Variants in DLG2 observed in about 807,000 individuals in gnomAD.
The protein encoded by DLG2 is discs large MAGUK scaffold protein 2.
Under a neutral mutation model 132.5 loss-of-function variants are expected in DLG2, and 45 were observed. That is an observed-to-expected ratio of 0.34 (90% CI 0.27 to 0.44). DLG2 has a LOEUF of 0.44. DLG2 is among the 20% of genes least tolerant of loss of function. The pLI is 1.00. For missense variants in DLG2, 1,045 were observed against 1,196.9 expected, an observed-to-expected ratio of 0.87 and a Z score of 1.87; for synonymous variants, 424 against 419.6, an observed-to-expected ratio of 1.01 and a Z score of -0.13.
At chr11:85,335,380 C>T (rs2082058966) in intron 3 of DLG2, among the ~76,000 whole-genome samples, 1 of 152,112 alleles carries the variant, frequency 6.6e-6, no homozygotes, top group Non-Finnish European at 1.5e-5. Flanking sequence ...ATTTGCCACT[C>T]TTTGCCTTTT....
chr11:85,317,620 A>C (rs1459229565), intron 3 of DLG2, among the ~76,000 whole-genome samples: 1 of 151,876 alleles, frequency 6.6e-6, no homozygotes, highest in Non-Finnish European at 1.5e-5. Flanking sequence ...AGAATTGAGC[A>C]TTTAGGAGGA....
At chr11:83,665,984 C>T (rs375130592) in intron 18 of DLG2, among the ~76,000 whole-genome samples, 2 of 152,238 alleles carry the variant, frequency 1.3e-5, no homozygotes, top group South Asian at 4.2e-4. Flanking sequence ...ACTTGACCCA[C>T]TATCTCCCCC....
At chr11:83,672,999 T>G (rs1198671164) in intron 18 of DLG2, among the ~76,000 whole-genome samples, 1 of 151,966 alleles carries the variant, frequency 6.6e-6, no homozygotes, top group Non-Finnish European at 1.5e-5. Flanking sequence ...GAGTCGGAGG[T>G]TGCAGTGAGC....
chr11:85,485,591 T>G lies in DLG2; in HGVS notation c.40+113066A>C, dbSNP rs1201792603. Among the ~76,000 whole-genome samples the G allele has an allele frequency of 2.0e-5, 3 of 152,152 alleles. No individual in the cohort carries two copies. The East Asian group carries it at 5.8e-4, about 29-fold the overall frequency. ...GAGTAAGGAGAGGGAAGGGGGCAGC[T>G]CTCTTGGCTGGGGATCAGCTGGGAG... On this transcript the variant is annotated intron_variant, in intron 3 of 27. Transcript: ENST00000376104.
At chr11:84,781,265 G>T (rs1383679637) in intron 6 of DLG2, among the ~76,000 whole-genome samples, 1 of 152,008 alleles carries the variant, frequency 6.6e-6, no homozygotes, top group Non-Finnish European at 1.5e-5. Context: ...TATACTTCTG[G>T]AGAATATAAT....
intron 5 of DLG2, among the ~76,000 whole-genome samples, chr11:85,137,304 A>G (rs1233484109): frequency 1.3e-5 from 2 of 152,142 alleles, no homozygotes. Flanking sequence ...CTTTGTAACT[A>G]TTATCTCATG....
intron 7 of DLG2, among the ~76,000 whole-genome samples, chr11:84,347,054 T>C (rs527385023): frequency 2.6e-5 from 4 of 152,292 alleles, no homozygotes; most frequent in African/African-American, 9.6e-5. Context: ...AAAGGTCACA[T>C]ACAGCCATCT....
At chr11:83,968,702 C>T (rs1180042644) in intron 12 of DLG2, among the ~76,000 whole-genome samples, 1 of 152,134 alleles carries the variant, frequency 6.6e-6, no homozygotes, top group Non-Finnish European at 1.5e-5. Flanking sequence ...GGTTAAGAAA[C>T]TTGCCCCAAG....
rs572535870 is a variant in DLG2 at position 84,483,248 on chromosome 11, C to G, written c.519+51322G>C. 1.2e-4 allele frequency among the ~76,000 whole-genome samples: 18 copies of G among 152,062 alleles called. No individual in the cohort carries two copies. The South Asian group carries it at 3.7e-3, about 32-fold the overall frequency. ...AGGAGTTCAAGACCAGCCTGGCCAACCTAGTGAAACCCCGTCTCTACAAAA... is the reference window on the plus strand; with the variant it reads ...AGGAGTTCAAGACCAGCCTGGCCAAGCTAGTGAAACCCCGTCTCTACAAAA... On this transcript the variant is annotated intron_variant, in intron 7 of 27. Transcript: ENST00000376104.
chr11:84,060,709 A>G (rs1372105660), intron 10 of DLG2, among the ~76,000 whole-genome samples: 2 of 152,112 alleles, frequency 1.3e-5, no homozygotes, highest in South Asian at 2.1e-4. Flanking sequence ...AGATTACAAA[A>G]ATTTCTTTCC....
At chr11:85,226,190 T>A (rs1309374676) in intron 4 of DLG2, among the ~76,000 whole-genome samples, 1 of 150,866 alleles carries the variant, frequency 6.6e-6, no homozygotes, top group East Asian at 1.9e-4. Flanking sequence ...TATTCTAATA[T>A]AATAATATAA....
At chr11:85,538,307 C>G (rs1440563205) in intron 3 of DLG2, among the ~76,000 whole-genome samples, 2 of 151,704 alleles carry the variant, frequency 1.3e-5, no homozygotes, top group African/African-American at 4.9e-5. Flanking sequence ...AAGACATTCT[C>G]TGATCTGGCA....
At chr11:84,826,938 G>A (rs559436859) in intron 6 of DLG2, among the ~76,000 whole-genome samples, 1 of 151,950 alleles carries the variant, frequency 6.6e-6, no homozygotes, top group African/African-American at 2.4e-5. Flanking sequence ...AGTAAAGAAT[G>A]GAGATAGACT....
At chr11:85,237,919 T>C (rs1216261773) in intron 4 of DLG2, among the ~76,000 whole-genome samples, 1 of 152,060 alleles carries the variant, frequency 6.6e-6, no homozygotes, top group Non-Finnish European at 1.5e-5. Flanking sequence ...ATTAAAGCAG[T>C]CCTAATTAGA....
chr11:85,322,193 C>T (rs968013096), intron 3 of DLG2, among the ~76,000 whole-genome samples: 2 of 152,044 alleles, frequency 1.3e-5, no homozygotes, highest in African/African-American at 4.8e-5. Flanking sequence ...TCCAGTGGTA[C>T]CTCCAGTGTA....
chr11:84,392,453 A>T (rs916383619), intron 7 of DLG2, among the ~76,000 whole-genome samples: 18 of 152,190 alleles, frequency 1.2e-4, no homozygotes, highest in African/African-American at 4.3e-4. Context: ...ATGGTCTTAG[A>T]GGTGTAGGTT....
chr11:83,943,286 A>G (rs2154140549), intron 14 of DLG2, among the ~76,000 whole-genome samples: 1 of 152,320 alleles, frequency 6.6e-6, no homozygotes, highest in African/African-American at 2.4e-5. Context: ...CTGGAGGAAA[A>G]AACTATTTTT....
At chr11:84,883,764 C>A (rs1215337701) in intron 6 of DLG2, among the ~76,000 whole-genome samples, 1 of 152,050 alleles carries the variant, frequency 6.6e-6, no homozygotes, top group East Asian at 1.9e-4. Flanking sequence ...TGAGTTTCTT[C>A]TGGAGGCTTT....
rs552635499 is a variant in DLG2 at position 84,519,622 on chromosome 11, C to CT, written c.519+14947dup. 1.6e-3 allele frequency among the ~76,000 whole-genome samples: 241 copies of CT among 152,236 alleles called. 2 individuals are homozygous for CT. Among genetic ancestry groups the CT allele is most frequent in the African/African-American group, 5.4e-3 (226 of 41,538 alleles). The stretch of plus-strand genomic sequence containing the variant: ...TAGGGGAACCTGTTGATCTTTCCTG[C>CT]TGAGGGCTGCTGTGGAATTGGGCAG... On this transcript the variant is annotated intron_variant, in intron 7 of 27. Coordinates refer to ENST00000376104, the MANE Select transcript of DLG2 (RefSeq NM_001142699.3).
Sources: allele counts gnomAD v4.1 joint callset (sites outside exome capture counted in the v4.1 genomes callset), GRCh38; gene constraint gnomAD v4.1.1; transcripts MANE v1.5; gene names NCBI Gene and HGNC (gene_info 2026-07-23, HGNC 2026-07-21).